Variants in MGAT5 observed in about 807,000 individuals in gnomAD.
The protein encoded by MGAT5 is alpha-1,6-mannosylglycoprotein 6-beta-N-acetylglucosaminyltransferase.
MGAT5 carries 30 observed loss-of-function variants against 94.3 expected under a neutral mutation model. The ratio of observed to expected loss-of-function variants is 0.32; its 90% confidence interval spans 0.24 to 0.43. MGAT5 has a LOEUF of 0.43. Ranked by LOEUF, MGAT5 falls within the 20% of genes least tolerant of loss-of-function variation. The probability of loss-of-function intolerance (pLI) is 1.00; values close to 1 mark genes in which losing one functional copy is unlikely to be tolerated. For synonymous variants in MGAT5, 310 were observed against 322.9 expected (o/e 0.96, Z 0.43); for missense variants, 691 against 905.5 (o/e 0.76, Z 3.04).
intron 11 of MGAT5, among the ~76,000 whole-genome samples, chr2:134,408,952 AC>A (rs1683493452): frequency 6.6e-6 from 1 of 152,210 alleles, no homozygotes; most frequent in Non-Finnish European, 1.5e-5. Context: ...TGTGGCAGTC[AC>A]TGTAAACCAT....
chr2:134,200,140 C>A (rs1350442590), intron 1 of MGAT5, among the ~76,000 whole-genome samples: 2 of 144,278 alleles, frequency 1.4e-5, no homozygotes, highest in Non-Finnish European at 3.0e-5. Context: ...CTCCCTACCC[C>A]GCCCCCCAAT....
intron 11 of MGAT5, among the ~76,000 whole-genome samples, chr2:134,410,617 C>G (rs548031065): frequency 1.3e-5 from 2 of 152,336 alleles, no homozygotes; most frequent in East Asian, 3.9e-4. Context: ...AGGTCACATT[C>G]AAGTCCATTA....
At chr2:134,173,102 AAT>A (rs1401487540) in intron 1 of MGAT5, among the ~76,000 whole-genome samples, 1 of 152,198 alleles carries the variant, frequency 6.6e-6, no homozygotes, top group African/African-American at 2.4e-5. Flanking sequence ...AGAAACAGAA[AAT>A]ATGTCCTTTG....
At chr2:134,270,873 T>C (rs1683984413) in intron 2 of MGAT5, among the ~76,000 whole-genome samples, 1 of 152,222 alleles carries the variant, frequency 6.6e-6, no homozygotes, top group Non-Finnish European at 1.5e-5. Context: ...CTTGTGCCTT[T>C]TAGAGTTCTT....
intron 3 of MGAT5, among the ~76,000 whole-genome samples, 175 bp downstream of exon 3, chr2:134,317,780 A>G (rs3791279): frequency 6.6e-6 from 1 of 152,048 alleles, no homozygotes; most frequent in African/African-American, 2.4e-5. Flanking sequence ...TGCTATGCCT[A>G]TGTCAGCCAT....
chr2:134,299,031 T>A (rs954282492), intron 2 of MGAT5, among the ~76,000 whole-genome samples: 1 of 152,206 alleles, frequency 6.6e-6, no homozygotes, highest in Non-Finnish European at 1.5e-5. Flanking sequence ...TTCCCAATTG[T>A]ACTTTTCCTT....
chr2:134,153,112 C>T (rs536276535), intron 1 of MGAT5, among the ~76,000 whole-genome samples: 145 of 152,004 alleles, frequency 9.5e-4, no homozygotes, highest in African/African-American at 3.1e-3. Flanking sequence ...TAGAGATGGG[C>T]TTTCACCATA....
rs577829537 is a variant in MGAT5, at chr2:134,187,683, G to A, written c.-142-66579G>A. ...TTTGTCAACTTTGTTGCTATGTCCC[G>A]AGTGTCTAGAATGTTGCTGCAGGCA... On this transcript the variant is annotated intron_variant, in intron 1 of 16. Transcript: ENST00000409645. 5.9e-4 allele frequency among the ~76,000 whole-genome samples: 90 copies of A among 152,298 alleles called. 1 individual carries two copies. Among genetic ancestry groups the A allele is most frequent in the Middle Eastern group, 3.4e-3 (1 of 294 alleles).
chr2:134,135,690 CAA>C (rs59026836), intron 1 of MGAT5, among the ~76,000 whole-genome samples: 2,152 of 41,282 alleles, frequency 0.052, 7 homozygotes, highest in South Asian at 0.072. Flanking sequence ...GACTCCATCT[CAA>C]AAAAAAAAAA....
intron 14 of MGAT5, among the ~76,000 whole-genome samples, chr2:134,431,551 G>A (rs1035841783): frequency 1.3e-4 from 20 of 152,260 alleles, no homozygotes; most frequent in African/African-American, 4.3e-4. Flanking sequence ...GCAGCTAGAC[G>A]AATATCTTCA....
At chr2:134,241,679 T>C (rs1254627168) in intron 1 of MGAT5, among the ~76,000 whole-genome samples, 2 of 152,184 alleles carry the variant, frequency 1.3e-5, no homozygotes, top group Admixed American at 1.3e-4. Flanking sequence ...CAGAAATGGA[T>C]TATGACTTTA....
chr2:134,177,144 C>CGTGTGTATGT (rs1553488518), intron 1 of MGAT5, among the ~76,000 whole-genome samples: 2 of 142,530 alleles, frequency 1.4e-5, no homozygotes, highest in Non-Finnish European at 3.0e-5. Flanking sequence ...CAAATGAACC[C>CGTGTGTATGT]GTGTGTGTGT....
Position 134,319,588 on chromosome 2 carries a change from C to A in MGAT5, c.573+849C>A, listed in dbSNP as rs546763795. ...GGAGTGATGGGACAATGGACATAGG[C>A]AGGGGCTACCACTTGGGAAGTATGG... On this transcript the variant is annotated intron_variant, in intron 4 of 15. Coordinates refer to ENST00000281923, the MANE Select transcript of MGAT5 (RefSeq NM_002410.5). The A allele has an allele frequency of 1.6e-5, 3 of 188,474 alleles. No individual in the cohort carries two copies. In the South Asian group the frequency reaches 2.3e-4, roughly 14 times the overall value. 11.7% of individuals were successfully genotyped at this position (188,474 alleles called of 1,614,324 possible).
At chr2:134,354,819 G>A (rs1329008469) in intron 9 of MGAT5, among the ~76,000 whole-genome samples, 1 of 152,124 alleles carries the variant, frequency 6.6e-6, no homozygotes, top group African/African-American at 2.4e-5. Context: ...AAGTCTGGTT[G>A]TTCCTCCTTC....
intron 1 of MGAT5, among the ~76,000 whole-genome samples, chr2:134,218,867 TTC>T (rs1274989014): frequency 7.2e-5 from 11 of 152,222 alleles, no homozygotes; most frequent in Non-Finnish European, 1.6e-4. Context: ...TATTCATTGA[TTC>T]TGTTATACTT....
At chr2:134,445,688 C>T (rs1685734684) in intron 15 of MGAT5, among the ~76,000 whole-genome samples, 1 of 152,184 alleles carries the variant, frequency 6.6e-6, no homozygotes, top group African/African-American at 2.4e-5. Context: ...AACTACCATC[C>T]TGTAAGAAAC....
intron 1 of MGAT5, among the ~76,000 whole-genome samples, chr2:134,203,644 T>C (rs1679901389): frequency 6.6e-6 from 1 of 152,062 alleles, no homozygotes. Context: ...GCTTGTGACC[T>C]TGAGCAAGTC....
chr2:134,316,554 C>T (rs941553851), intron 2 of MGAT5, among the ~76,000 whole-genome samples: 6 of 152,026 alleles, frequency 3.9e-5, no homozygotes, highest in Non-Finnish European at 8.8e-5. Flanking sequence ...ACCATTAGAC[C>T]GTAAGCTTCA....
intron 10 of MGAT5, among the ~76,000 whole-genome samples, chr2:134,388,849 C>T (rs189876733): frequency 1.5e-4 from 23 of 150,834 alleles, no homozygotes; most frequent in African/African-American, 5.1e-4. Flanking sequence ...GCAACCTCCA[C>T]CTCCCGGTTC....
Sources: allele counts gnomAD v4.1 joint callset (sites outside exome capture counted in the v4.1 genomes callset), GRCh38; gene constraint gnomAD v4.1.1; transcripts MANE v1.5; gene names NCBI Gene and HGNC (gene_info 2026-07-23, HGNC 2026-07-21).